DGCR8: variants seen among roughly 807,000 people sequenced by gnomAD.
The protein encoded by DGCR8 is microprocessor complex subunit DGCR8.
In DGCR8, 14 loss-of-function variants were observed where a neutral mutation model predicts 78.5. That is an observed-to-expected ratio of 0.18 (90% CI 0.12 to 0.28). The LOEUF (loss-of-function observed/expected upper bound fraction) is 0.28, where lower values mean the gene tolerates loss of function less well. Among genes scored for constraint, DGCR8 ranks in the 10% least tolerant of loss-of-function variants. DGCR8 has a pLI of 1.00. For missense variants in DGCR8, 702 were observed against 1,022.5 expected (o/e 0.69, Z 4.28); for synonymous variants, 399 against 402.4 (o/e 0.99, Z 0.10).
chr22:20,084,219 C>T (rs991330769), intron 1 of DGCR8, among the ~76,000 whole-genome samples: 1 of 152,150 alleles, frequency 6.6e-6, no homozygotes, highest in Non-Finnish European at 1.5e-5. Flanking sequence ...ATGCCTTGTC[C>T]CTTGTTAAAT....
intron 8 of DGCR8, 86 bp from the exon 9 acceptor site, chr22:20,094,627 G>A: frequency 8.2e-7 from 1 of 1,217,696 alleles, no homozygotes; most frequent in Non-Finnish European, 1.2e-6. Flanking sequence ...TGTGGGGATG[G>A]GAGGCAGCAG....
At chr22:20,109,351 C>T in intron 13 of DGCR8, among the ~76,000 whole-genome samples, 1 of 152,180 alleles carries the variant, frequency 6.6e-6, no homozygotes, top group East Asian at 1.9e-4. Context: ...CCTGATGAAG[C>T]CTCCTAAAGC....
intron 10 of DGCR8, 72 bp downstream of exon 10, chr22:20,106,349 G>A (rs113481892): frequency 9.6e-6 from 13 of 1,353,282 alleles, no homozygotes; most frequent in African/African-American, 5.7e-5. Context: ...ATATTCTTGT[G>A]GCTGTTTGTC....
In DGCR8 at chr22:20,106,366, C is replaced by G. The variant is rs959664866; in HGVS notation, c.1889+89C>G. On this transcript the variant is annotated intron_variant, in intron 10 of 13. Coordinates refer to ENST00000351989, the MANE Select transcript of DGCR8 (RefSeq NM_022720.7). ...ATTCTTGTGGCTGTTTGTCCCAAGG[C>G]AGAGGCATGGCCAGGTTTCCCTGGG... 4.2e-6 allele frequency: 5 copies of G among 1,197,696 alleles called. No homozygotes were observed. In the East Asian group the frequency reaches 1.2e-4, roughly 28 times the overall value. 74.2% of individuals were successfully genotyped at this position (1,197,696 alleles called of 1,614,324 possible). A position where few individuals can be genotyped will look rare whatever the true frequency, so the allele number is the denominator to read the frequency against.
Position 20,086,487 on chromosome 22 carries a change from G to A in DGCR8, c.524G>A (p.Gly175Glu), listed in dbSNP as rs775847917. Reference protein sequence around the residue: ...GGSVGDGVGIGGESADKKDEE... With the variant: ...GGSVGDGVGIEGESADKKDEE... Reference sequence around the variant, plus strand: ...AGTGTTGGTGACGGGGTAGGCATAGGGGGTGAGAGTGCTGATAAGAAGGAT... The same window carrying A: ...AGTGTTGGTGACGGGGTAGGCATAGAGGGTGAGAGTGCTGATAAGAAGGAT... Residue 175 changes from glycine (G) to glutamate (E), a missense_variant, in exon 2 of 14, where the codon GGG becomes GAG. Physicochemically the swap from Gly to Glu is moderately conservative, Grantham distance 98. Coordinates refer to ENST00000351989, the MANE Select transcript of DGCR8 (RefSeq NM_022720.7). This position sits in a 1 kb window ranked among gnomAD's most constrained non-coding sequence, Gnocchi z 6.4. 4 of 1,614,038 alleles carry A rather than the reference G, an allele frequency of 2.5e-6. No individual in the cohort carries two copies. The South Asian group carries it at 4.4e-5, about 18-fold the overall frequency.
At position 20,110,232 on chromosome 22, in the gene DGCR8, G is replaced by T; in HGVS notation, c.*124G>T. 2 of 968,116 alleles carry T rather than the reference G, an allele frequency of 2.1e-6. No individual in the cohort carries two copies. The highest frequency in any genetic ancestry group is 3.1e-6 in the Non-Finnish European group (2 of 644,690). 60.0% of individuals were successfully genotyped at this position (968,116 alleles called of 1,614,324 possible). On this transcript the variant is annotated 3_prime_UTR_variant, in exon 14 of 14. Transcript: ENST00000351989. The stretch of plus-strand genomic sequence containing the variant: ...CGCTCCTTCCCTGTGGCCAACCTGT[G>T]GGCCCGGCCTTAGGGTGGAGGCTTT...
rs1318493725 is a variant in DGCR8, at chr22:20,106,193, G to T, written c.1805G>T (p.Ser602Ile). The change falls in exon 10 of 14, where the codon AGC (serine) becomes ATC (isoleucine). Residue 602 changes from serine (S) to isoleucine (I), a missense_variant. Physicochemically the swap from Ser to Ile is moderately radical, Grantham distance 142. Coordinates refer to ENST00000351989, the MANE Select transcript of DGCR8 (RefSeq NM_022720.7). Reference sequence around the variant, plus strand: ...GTGTTGTAGTATTTTAACCACATCAGCATCGAGGACTCGCGGGTCTACGAG... The same window carrying T: ...GTGTTGTAGTATTTTAACCACATCATCATCGAGGACTCGCGGGTCTACGAG... ...SEELEYFNHI[S>I]IEDSRVYELT... 6.2e-7 allele frequency: 1 copy of T among 1,613,918 alleles called. No individual in the cohort carries two copies.
At chr22:20,091,330 GA>G in intron 5 of DGCR8, 104 bp from the exon 6 acceptor site, 1 of 1,136,326 alleles carries the variant, frequency 8.8e-7, no homozygotes. Context: ...ACGGGGAAAG[GA>G]AATAGTGTCA....
chr22:20,109,021 G>T lies in DGCR8; in HGVS notation c.2238+18G>T. 1 of 1,381,462 alleles carries T rather than the reference G, an allele frequency of 7.2e-7. No homozygotes were observed. The highest frequency in any genetic ancestry group is 1.2e-5 in the South Asian group (1 of 86,304). The allele number at this position is 1,381,462 out of a possible 1,614,324, so 85.6% of individuals were successfully genotyped here. On this transcript the variant is annotated intron_variant, in intron 13 of 13. Transcript: ENST00000351989. ...AGGAAAGGGTGAGTGCCACCCTAGCGGGAGGGCTGCCGGGCCACGGCCATT... is the reference window on the plus strand; with the variant it reads ...AGGAAAGGGTGAGTGCCACCCTAGCTGGAGGGCTGCCGGGCCACGGCCATT...
At chr22:20,093,000 G>A (rs1272288762) in intron 8 of DGCR8, 93 bp downstream of exon 8, 1 of 849,786 alleles carries the variant, frequency 1.2e-6, no homozygotes, top group African/African-American at 1.7e-5. Flanking sequence ...GGTGACAAGT[G>A]GGGGATGTGG....
intron 8 of DGCR8, among the ~76,000 whole-genome samples, chr22:20,093,159 A>T (rs1665998411): frequency 6.6e-6 from 1 of 152,042 alleles, no homozygotes; most frequent in African/African-American, 2.4e-5. Context: ...TAATCCCAGC[A>T]CTTTGGGAGG....
rs377706846 is a variant in DGCR8, at chr22:20,086,301, A to G, written c.338A>G (p.Lys113Arg). ...PAVRKFSPDL[K>R]LLKDVKISVS... ...GTCCGGAAGTTCTCCCCTGACCTTA[A>G]GTTGCTTAAGGATGTAAAGATTAGC... is the stretch of plus-strand genomic sequence containing the variant. Residue 113 changes from lysine to arginine, a missense_variant, in exon 2 of 14, where the codon AAG becomes AGG. Around this residue, in one of 4 missense-constraint regions of DGCR8, gnomAD observed 356 missense variants for 448.9 expected, o/e 0.79. Coordinates refer to ENST00000351989, the MANE Select transcript of DGCR8 (RefSeq NM_022720.7). This position sits in a 1 kb window ranked among gnomAD's most constrained non-coding sequence, Gnocchi z 6.4. 90 of 1,613,928 alleles carry G rather than the reference A, an allele frequency of 5.6e-5. No individual in the cohort carries two copies. Among genetic ancestry groups the G allele is most frequent in the Non-Finnish European group, 7.5e-5 (88 of 1,180,002 alleles).
intron 12 of DGCR8, 115 bp from the exon 13 acceptor site, chr22:20,108,775 C>CTGCCAGACCCTGGGCGCGCCTGCCT: frequency 4.9e-6 from 1 of 202,652 alleles, no homozygotes; most frequent in Non-Finnish European, 8.8e-6. Flanking sequence ...TGTTTCGTGT[C>CTGCCAGACCCTGGGCGCGCCTGCCT]TGCCAGACCC....
At chr22:20,109,971 G>C in intron 13 of DGCR8, 54 bp from the exon 14 acceptor site, 7 of 1,571,176 alleles carry the variant, frequency 4.5e-6, no homozygotes, top group South Asian at 3.3e-5. Context: ...GTGTCTTCCC[G>C]AGCCTCTGCC....
In DGCR8 at chr22:20,090,124, C is replaced by T; in HGVS notation, c.1172C>T (p.Pro391Leu). ...PLSRSAELEF[P>L]LDEPDSMGAD... ...AGCCGATCTGCAGAGCTGGAGTTTC[C>T]CCTGGATGAGCCTGACTCTATGGGT... The change falls in exon 5 of 14, where the codon CCC (proline) becomes CTC (leucine). Residue 391 changes from proline to leucine, a missense_variant. Physicochemically the swap from Pro to Leu is moderately conservative, Grantham distance 98. Around this residue, in one of 4 missense-constraint regions of DGCR8, gnomAD observed 119 missense variants for 126.1 expected, o/e 0.94. Transcript: ENST00000351989. 2 of 1,614,218 alleles carry T rather than the reference C, an allele frequency of 1.2e-6. No homozygotes were observed. Among genetic ancestry groups the T allele is most frequent in the Non-Finnish European group, 1.7e-6 (2 of 1,180,048 alleles).
Position 20,086,178 on chromosome 22 carries a change from C to T in DGCR8, c.215C>T (p.Ala72Val), listed in dbSNP as rs1236006829. 2 of 1,614,066 alleles carry T rather than the reference C, an allele frequency of 1.2e-6. No homozygotes were observed. Among genetic ancestry groups the T allele is most frequent in the East Asian group, 2.2e-5 (1 of 44,886 alleles). The change falls in exon 2 of 14, where the codon GCT becomes GTT. Residue 72 changes from alanine to valine, a missense_variant. By Grantham distance (64) the Ala-to-Val change is moderately conservative. Coordinates refer to ENST00000351989, the MANE Select transcript of DGCR8 (RefSeq NM_022720.7). The surrounding 1 kb of genome is among the most constrained non-coding windows in gnomAD (Gnocchi z 6.4). ...GAGGACCCCTTCAACTTCTACGGAG[C>T]TTCTCTTCTCTCCAAAGGATCCTTC... The part of the protein sequence containing the change: ...PAEDPFNFYG[A>V]SLLSKGSFSK...
chr22:20,096,650 C>G (rs769362331), intron 9 of DGCR8: 3 of 197,696 alleles, frequency 1.5e-5, no homozygotes, highest in African/African-American at 2.4e-5. Flanking sequence ...CCAAAAGAAA[C>G]TCCATACCCA....
Position 20,110,340 on chromosome 22 carries a change from A to C in DGCR8, c.*232A>C, listed in dbSNP as rs1029167323. On this transcript the variant is annotated 3_prime_UTR_variant, in exon 14 of 14. Coordinates refer to ENST00000351989, the MANE Select transcript of DGCR8 (RefSeq NM_022720.7). ...GAAAGCTCCAGGCCTGAATGGATGG[A>C]CTCAGCGACTGCACCAGTGGCAGCT... 1.9e-6 allele frequency: 1 copy of C among 522,880 alleles called. No homozygotes were observed. Among genetic ancestry groups the C allele is most frequent in the South Asian group, 2.7e-5 (1 of 37,456 alleles). The allele number at this position is 522,880 out of a possible 1,614,324, so 32.4% of individuals were successfully genotyped here.
chr22:20,081,985 C>T (rs1022015481), intron 1 of DGCR8, among the ~76,000 whole-genome samples: 25 of 152,114 alleles, frequency 1.6e-4, no homozygotes, highest in Non-Finnish European at 1.3e-4. Flanking sequence ...TTACTGTCAC[C>T]TTAGGTCCTC....
Sources: allele counts gnomAD v4.1 joint callset (sites outside exome capture counted in the v4.1 genomes callset), GRCh38; gene constraint gnomAD v4.1.1; regional missense constraint gnomAD v4.1.1; non-coding constraint Gnocchi (gnomAD v3.1); transcripts MANE v1.5; gene names NCBI Gene and HGNC (gene_info 2026-07-23, HGNC 2026-07-21).